The following PGM1 variants were observed in gnomAD, a reference collection of about 807,000 sequenced individuals.
The protein encoded by PGM1 is phosphoglucomutase-1.
PGM1 carries 52 observed loss-of-function variants against 55.6 expected under a neutral mutation model. The ratio of observed to expected loss-of-function variants is 0.94; its 90% CI spans 0.75 to 1.18. PGM1 has a LOEUF of 1.18. Among genes scored for constraint, PGM1 ranks in the 50% most tolerant of loss-of-function variants. The probability of loss-of-function intolerance (pLI) is 0.00; values close to 1 mark genes in which losing one functional copy is unlikely to be tolerated. For missense variants in PGM1, 724 were observed against 729.3 expected (o/e 0.99, Z 0.08); for synonymous variants, 287 against 271.7 (o/e 1.06, Z -0.55).
At chr1:63,645,375 G>GA (rs1185000444) in intron 7 of PGM1, among the ~76,000 whole-genome samples, 14 of 150,198 alleles carry the variant, frequency 9.3e-5, no homozygotes, top group Non-Finnish European at 2.1e-4. Context: ...AGCCAAAAGA[G>GA]AAAAAAGAAA....
intron 1 of PGM1, among the ~76,000 whole-genome samples, chr1:63,605,642 T>A (rs1648398513): frequency 6.6e-6 from 1 of 152,132 alleles, no homozygotes; most frequent in South Asian, 2.1e-4. Flanking sequence ...AGTGGTGTGA[T>A]CATGGCTCAC....
chr1:63,649,049 C>T (rs573487110), intron 8 of PGM1, among the ~76,000 whole-genome samples: 4 of 152,126 alleles, frequency 2.6e-5, no homozygotes, highest in Non-Finnish European at 5.9e-5. Context: ...ATGGGAATAA[C>T]AGTCCAGCTG....
intron 3 of PGM1, 67 bp from the exon 4 acceptor site, chr1:63,631,590 A>G: frequency 1.4e-6 from 2 of 1,466,958 alleles, no homozygotes; most frequent in Admixed American, 3.3e-5. Flanking sequence ...CAATATAGTC[A>G]CATCAGAATA....
At chr1:63,603,493 G>A (rs749312708) in intron 1 of PGM1, among the ~76,000 whole-genome samples, 12 of 152,182 alleles carry the variant, frequency 7.9e-5, no homozygotes, top group Non-Finnish European at 1.3e-4. Context: ...AATCCACCTC[G>A]AGGCACATTG....
rs1649357804 is a variant in PGM1, at chr1:63,636,230, C to G, written c.874-4C>G. On this transcript the variant is annotated splice_polypyrimidine_tract_variant and splice_region_variant and intron_variant, in intron 5 of 10. Transcript: ENST00000371084. The stretch of plus-strand genomic sequence containing the variant: ...TCTTTCTTTGATCCTCTCTTCTCCC[C>G]AAGGATCGAAACATGATTCTGGGCA... 1 of 1,613,690 alleles carries G rather than the reference C, an allele frequency of 6.2e-7. No homozygotes were observed. Among genetic ancestry groups the G allele is most frequent in the East Asian group, 2.2e-5 (1 of 44,884 alleles).
chr1:63,651,517 T>G (rs1048602200), intron 8 of PGM1, 152 bp from the exon 9 acceptor site: 3 of 680,932 alleles, frequency 4.4e-6, no homozygotes, highest in African/African-American at 1.8e-5. Context: ...CCATCCCCAG[T>G]GACTGACAGG....
intron 7 of PGM1, among the ~76,000 whole-genome samples, chr1:63,645,782 A>T (rs1295706573): frequency 6.6e-6 from 1 of 152,210 alleles, no homozygotes; most frequent in Non-Finnish European, 1.5e-5. Context: ...TAAGAACCAA[A>T]AATAGAAAGA....
In PGM1 at chr1:63,659,684, GC is replaced by G; in HGVS notation, c.*11del. On this transcript the variant is annotated 3_prime_UTR_variant, in exon 11 of 11. Coordinates refer to ENST00000371084, the MANE Select transcript of PGM1 (RefSeq NM_002633.3). Reference sequence around the variant, plus strand: ...CCACTGTCATCACCTAAGAAGACAGGCCTGATGTGGTACGTCCCTCCACCCC... The same window carrying G: ...CCACTGTCATCACCTAAGAAGACAGGCTGATGTGGTACGTCCCTCCACCCC... 2 of 1,598,556 alleles carry G rather than the reference GC, an allele frequency of 1.3e-6. No homozygotes were observed. The highest frequency in any genetic ancestry group is 2.2e-5 in the South Asian group (2 of 90,782).
intron 8 of PGM1, 145 bp downstream of exon 8, chr1:63,648,797 C>A: frequency 1.1e-6 from 1 of 891,444 alleles, no homozygotes; most frequent in Non-Finnish European, 1.8e-6. Context: ...TAAAAATAAT[C>A]TGGTCAGGGA....
chr1:63,634,262 A>G (rs1230157156), intron 4 of PGM1, among the ~76,000 whole-genome samples: 3 of 152,274 alleles, frequency 2.0e-5, no homozygotes, highest in Middle Eastern at 3.4e-3. Flanking sequence ...AACATTTATA[A>G]CATATCTGCC....
chr1:63,659,096 G>C (rs1650042744), intron 10 of PGM1, among the ~76,000 whole-genome samples: 1 of 152,176 alleles, frequency 6.6e-6, no homozygotes, highest in African/African-American at 2.4e-5. Context: ...AATTATGGGA[G>C]CTACAAGATG....
chr1:63,600,289 T>A (rs1267878618), intron 1 of PGM1: 1 of 152,238 alleles, frequency 6.6e-6, no homozygotes, highest in Non-Finnish European at 1.5e-5. Context: ...TTCCTTTTTC[T>A]TTTTTAATCA....
At position 63,618,906 on chromosome 1, in the gene PGM1, T is replaced by C. The variant is rs965003793; in HGVS notation, c.247-10519T>C. On this transcript the variant is annotated intron_variant, in intron 1 of 10. Coordinates refer to ENST00000371084, the MANE Select transcript of PGM1 (RefSeq NM_002633.3). ...TTCTGCTTGATACTATTTCGAATTC[T>C]TTTCTGATTCTTCCCGTACATCAGA... Among the ~76,000 whole-genome samples, 12 of 152,170 alleles carry C rather than the reference T, an allele frequency of 7.9e-5. No individual in the cohort carries two copies. In the East Asian group the frequency reaches 2.1e-3, roughly 27 times the overall value.
At chr1:63,622,847 A>G (rs1648918486) in intron 1 of PGM1, among the ~76,000 whole-genome samples, 1 of 152,248 alleles carries the variant, frequency 6.6e-6, no homozygotes, top group Non-Finnish European at 1.5e-5. Flanking sequence ...GTGATGTAAG[A>G]AAACCAGGGG....
chr1:63,616,126 A>T (rs1648707025), intron 1 of PGM1, among the ~76,000 whole-genome samples: 1 of 152,222 alleles, frequency 6.6e-6, no homozygotes, highest in Non-Finnish European at 1.5e-5. Context: ...TAGAATGGGG[A>T]AAGTTCTTCT....
intron 4 of PGM1, among the ~76,000 whole-genome samples, chr1:63,633,908 GTGTGTGTGTGTATATATATA>G (rs1557433608): frequency 2.4e-4 from 8 of 33,266 alleles, no homozygotes; most frequent in African/African-American, 1.8e-3. Flanking sequence ...GTGTGTGTGT[GTGTGTGTGTGTATATATATA>G]TATATTTTTT....
intron 10 of PGM1, among the ~76,000 whole-genome samples, chr1:63,657,091 TTAAACA>T: frequency 6.6e-6 from 1 of 152,360 alleles, no homozygotes; most frequent in South Asian, 2.1e-4. Flanking sequence ...ATTATATACC[TTAAACA>T]TAAACAATTT....
At position 63,654,264 on chromosome 1, in the gene PGM1, C is replaced by A. The variant is rs566543134; in HGVS notation, c.1465-68C>A. 6.8e-6 allele frequency: 10 copies of A among 1,461,568 alleles called. No individual in the cohort carries two copies. In the East Asian group the frequency reaches 2.0e-4, roughly 30 times the overall value. The allele number at this position is 1,461,568 out of a possible 1,614,324, so 90.5% of individuals were successfully genotyped here. A position where few individuals can be genotyped will look rare whatever the true frequency, so the allele number is the denominator to read the frequency against. ...GATGAAATTACATCCCCAAATAGACCCCTCATAATTTGCCAGCCTTCAGTC... is the reference window on the plus strand; with the variant it reads ...GATGAAATTACATCCCCAAATAGACACCTCATAATTTGCCAGCCTTCAGTC... On this transcript the variant is annotated intron_variant, in intron 9 of 10. Coordinates refer to ENST00000371084, the MANE Select transcript of PGM1 (RefSeq NM_002633.3).
Position 63,659,713 on chromosome 1 carries a change from G to C in PGM1, c.*38G>C. 2.8e-6 allele frequency: 4 copies of C among 1,449,866 alleles called. No homozygotes were observed. The highest frequency in any genetic ancestry group is 3.9e-6 in the Non-Finnish European group (4 of 1,030,034). 89.8% of individuals were successfully genotyped at this position (1,449,866 alleles called of 1,614,324 possible). On this transcript the variant is annotated 3_prime_UTR_variant, in exon 11 of 11. Coordinates refer to ENST00000371084, the MANE Select transcript of PGM1 (RefSeq NM_002633.3). ...GATGTGGTACGTCCCTCCACCCCCG[G>C]ACCCATCCAAGTCATCTGATTGAAG...
Sources: allele counts gnomAD v4.1 joint callset (sites outside exome capture counted in the v4.1 genomes callset), GRCh38; gene constraint gnomAD v4.1.1; transcripts MANE v1.5; gene names NCBI Gene and HGNC (gene_info 2026-07-23, HGNC 2026-07-21).